Variants in DRC11 observed in about 807,000 individuals in gnomAD.
DRC11 encodes the protein IQ and AAA domain-containing protein 1.
the DRC11 span, among the ~76,000 whole-genome samples, chr2:236,446,562 G>C: frequency 1.3e-5 from 2 of 152,208 alleles, no homozygotes; most frequent in African/African-American, 4.8e-5. The surrounding 1 kb of genome is among the most constrained non-coding windows in gnomAD (Gnocchi z 6.2). Flanking sequence ...CCCTGTCTTT[G>C]TTTTCTCAGG....
chr2:236,341,364 A>G, the DRC11 span, among the ~76,000 whole-genome samples: 1 of 152,164 alleles, frequency 6.6e-6, no homozygotes, highest in African/African-American at 2.4e-5. Context: ...CTACTCTCCT[A>G]GGAGGAGGAG....
the DRC11 span, among the ~76,000 whole-genome samples, chr2:236,335,615 T>C: frequency 6.6e-6 from 1 of 152,252 alleles, no homozygotes; most frequent in African/African-American, 2.4e-5. The surrounding 1 kb of genome is among the most constrained non-coding windows in gnomAD (Gnocchi z 5.6). Context: ...CATCCATCAA[T>C]AGCTTCATTT....
At chr2:236,346,405 A>T in the DRC11 span, among the ~76,000 whole-genome samples, 1 of 152,208 alleles carries the variant, frequency 6.6e-6, no homozygotes, top group Non-Finnish European at 1.5e-5. Flanking sequence ...TTTGCAGACA[A>T]GGAAACTGAG....
chr2:236,491,219 G>GTATATATATATA, the DRC11 span, among the ~76,000 whole-genome samples: 3 of 19,550 alleles, frequency 1.5e-4, no homozygotes, highest in Non-Finnish European at 3.1e-4. Context: ...TATACACACA[G>GTATATATATATA]TATATATATA....
chr2:236,314,985 A>G, the DRC11 span, among the ~76,000 whole-genome samples: 1 of 152,196 alleles, frequency 6.6e-6, no homozygotes, highest in African/African-American at 2.4e-5. The surrounding 1 kb of genome is among the most constrained non-coding windows in gnomAD (Gnocchi z 4.5). Flanking sequence ...AAGCATATCT[A>G]AGACACTTTG....
At chr2:236,339,156 G>A in the DRC11 span, among the ~76,000 whole-genome samples, 113 of 152,304 alleles carry the variant, frequency 7.4e-4, 1 homozygote, top group Non-Finnish European at 9.0e-4. Flanking sequence ...TTTGGCTGAC[G>A]GCTAATGATG....
At chr2:236,384,524 A>C in the DRC11 span, among the ~76,000 whole-genome samples, 1 of 151,882 alleles carries the variant, frequency 6.6e-6, no homozygotes, top group Admixed American at 6.5e-5. Flanking sequence ...TTTTTCTTGT[A>C]AATTTGTTTG....
the DRC11 span, among the ~76,000 whole-genome samples, chr2:236,453,678 C>T: frequency 3.3e-5 from 5 of 151,762 alleles, no homozygotes; most frequent in Non-Finnish European, 7.4e-5. The surrounding 1 kb of genome is among the most constrained non-coding windows in gnomAD (Gnocchi z 4.9). Context: ...CTCACTCTGT[C>T]GCCCAGGCTG....
At chr2:236,327,009 C>T in the DRC11 span, among the ~76,000 whole-genome samples, 1 of 152,042 alleles carries the variant, frequency 6.6e-6, no homozygotes, top group Non-Finnish European at 1.5e-5. Flanking sequence ...TGTGAGCCAC[C>T]ATGCCTGGCC....
chr2:236,427,462 T>C, the DRC11 span, among the ~76,000 whole-genome samples: 2 of 152,150 alleles, frequency 1.3e-5, no homozygotes, highest in African/African-American at 4.8e-5. This position sits in a 1 kb window ranked among gnomAD's most constrained non-coding sequence, Gnocchi z 5.9. Context: ...CTCACTATGA[T>C]TTTCTATTTT....
chr2:236,406,950 T>A, the DRC11 span, among the ~76,000 whole-genome samples: 1 of 152,210 alleles, frequency 6.6e-6, no homozygotes, highest in Non-Finnish European at 1.5e-5. This position sits in a 1 kb window ranked among gnomAD's most constrained non-coding sequence, Gnocchi z 4.7. Context: ...TTTCACCATG[T>A]TGGCCAGGAT....
the DRC11 span, among the ~76,000 whole-genome samples, chr2:236,489,337 G>A: frequency 6.8e-6 from 1 of 147,864 alleles, no homozygotes; most frequent in South Asian, 2.2e-4. Context: ...TGCATGCTGG[G>A]GCCTGTGTGG....
the DRC11 span, among the ~76,000 whole-genome samples, chr2:236,387,563 T>G: frequency 6.6e-6 from 1 of 152,128 alleles, no homozygotes; most frequent in South Asian, 2.1e-4. Flanking sequence ...TGTCTCTGCA[T>G]GTGAGATGGG....
the DRC11 span, among the ~76,000 whole-genome samples, chr2:236,428,635 A>C: frequency 6.6e-6 from 1 of 152,232 alleles, no homozygotes; most frequent in East Asian, 1.9e-4. Flanking sequence ...CTTAAAGGTA[A>C]AGTTAATCTC....
the DRC11 span, chr2:236,497,616 T>A: frequency 1.5e-6 from 1 of 653,372 alleles, no homozygotes; most frequent in Non-Finnish European, 2.6e-6. The surrounding 1 kb of genome is among the most constrained non-coding windows in gnomAD (Gnocchi z 5.1). Context: ...AGTTATATAG[T>A]TGCAAGGCTT....
chr2:236,424,653 G>T, the DRC11 span, among the ~76,000 whole-genome samples: 2 of 150,244 alleles, frequency 1.3e-5, no homozygotes, highest in Admixed American at 1.3e-4. Context: ...AGCATTTTTT[G>T]TGTGTGATGA....
chr2:236,473,337 G>A, the DRC11 span, among the ~76,000 whole-genome samples: 1 of 152,190 alleles, frequency 6.6e-6, no homozygotes, highest in Non-Finnish European at 1.5e-5. The surrounding 1 kb of genome is among the most constrained non-coding windows in gnomAD (Gnocchi z 4.8). Flanking sequence ...AGAGGGCCAC[G>A]CTCATTTGGG....
the DRC11 span, among the ~76,000 whole-genome samples, chr2:236,352,013 G>A: frequency 6.6e-6 from 1 of 152,196 alleles, no homozygotes; most frequent in Non-Finnish European, 1.5e-5. The surrounding 1 kb of genome is among the most constrained non-coding windows in gnomAD (Gnocchi z 7.0). Context: ...AGAATGGATG[G>A]AAGGAATTCT....
chr2:236,488,219 T>A, the DRC11 span: 1 of 1,476,866 alleles, frequency 6.8e-7, no homozygotes, highest in Non-Finnish European at 9.1e-7. Flanking sequence ...GATAAACCAA[T>A]GTTTGAACAT....
Sources: allele counts gnomAD v4.1 joint callset (sites outside exome capture counted in the v4.1 genomes callset), GRCh38; gene constraint gnomAD v4.1.1; non-coding constraint Gnocchi (gnomAD v3.1); transcripts MANE v1.5; gene names NCBI Gene and HGNC (gene_info 2026-07-23, HGNC 2026-07-21).